Variants in TTC39A observed in about 807,000 individuals in gnomAD.
TTC39A encodes the protein tetratricopeptide repeat domain 39A.
In TTC39A, 46 loss-of-function variants were observed where a neutral mutation model predicts 82.3. That is an observed-to-expected ratio of 0.56 (90% confidence interval 0.44 to 0.71). The LOEUF (loss-of-function observed/expected upper bound fraction) is 0.71, where lower values mean the gene tolerates loss of function less well. Ranked by LOEUF, TTC39A falls within the 30% of genes least tolerant of loss-of-function variation. The pLI is 0.00. For missense variants in TTC39A, 543 were observed against 712.9 expected (o/e 0.76, Z 2.71); for synonymous variants, 254 against 275.2 (o/e 0.92, Z 0.76).
At chr1:51,312,989 A>T in intron 2 of TTC39A, 46 bp from the exon 3 acceptor site, 1 of 1,590,478 alleles carries the variant, frequency 6.3e-7, no homozygotes, top group Non-Finnish European at 8.6e-7. Context: ...ATAGAGCCCC[A>T]GAGGCAGCTG....
chr1:51,291,886 C>T (rs1644239102), intron 14 of TTC39A, among the ~76,000 whole-genome samples: 1 of 151,850 alleles, frequency 6.6e-6, no homozygotes, highest in African/African-American at 2.4e-5. Flanking sequence ...GCCTCGACTG[C>T]CAGGAAGCTC....
upstream of TTC39A, among the ~76,000 whole-genome samples, chr1:51,332,838 A>G (rs1402101480): frequency 6.6e-6 from 1 of 152,250 alleles, no homozygotes; most frequent in Non-Finnish European, 1.5e-5. Flanking sequence ...GATGGCTGAG[A>G]GAGTGACACT....
At chr1:51,323,318 T>G (rs1211965929) in intron 1 of TTC39A, among the ~76,000 whole-genome samples, 1 of 152,096 alleles carries the variant, frequency 6.6e-6, no homozygotes, top group Non-Finnish European at 1.5e-5. Context: ...TCTCATATGT[T>G]GCCCAGGCTG....
At chr1:51,316,287 G>C (rs985819915) in intron 2 of TTC39A, among the ~76,000 whole-genome samples, 1 of 152,144 alleles carries the variant, frequency 6.6e-6, no homozygotes, top group Non-Finnish European at 1.5e-5. Flanking sequence ...TCATCACACA[G>C]AATGGCTCTG....
intron 1 of TTC39A, among the ~76,000 whole-genome samples, chr1:51,342,770 C>G (rs1318382507): frequency 6.6e-6 from 1 of 152,222 alleles, no homozygotes; most frequent in Non-Finnish European, 1.5e-5. Context: ...TGCAGGCTCA[C>G]AATGCACTTC....
intron 1 of TTC39A, among the ~76,000 whole-genome samples, chr1:51,343,986 T>TG (rs1274529704): frequency 1.3e-5 from 2 of 151,912 alleles, no homozygotes; most frequent in Non-Finnish European, 2.9e-5. Flanking sequence ...CAGGAGGAGC[T>TG]GGGGAAGGGG....
At chr1:51,344,712 A>T (rs1394192115) in intron 1 of TTC39A, among the ~76,000 whole-genome samples, 1 of 152,196 alleles carries the variant, frequency 6.6e-6, no homozygotes, top group Non-Finnish European at 1.5e-5. Context: ...CTTCTCACCG[A>T]GCTGACTTCG....
intron 8 of TTC39A, 129 bp from the exon 9 acceptor site, chr1:51,303,321 C>T: frequency 1.4e-6 from 1 of 732,694 alleles, no homozygotes; most frequent in Non-Finnish European, 2.2e-6. Flanking sequence ...GCCAGGTCAG[C>T]TGTGTGGCCC....
At chr1:51,340,573 C>T (rs896247508) in intron 1 of TTC39A, among the ~76,000 whole-genome samples, 2 of 152,182 alleles carry the variant, frequency 1.3e-5, no homozygotes, top group Non-Finnish European at 2.9e-5. Flanking sequence ...AGTGAGGAGC[C>T]TCTTCTTACT....
Position 51,287,878 on chromosome 1 carries a change from TTCA to T in TTC39A, c.*276_*278del. On this transcript the variant is annotated 3_prime_UTR_variant, in exon 18 of 18. Transcript: ENST00000680483. ...GTATTTCTAAGGAAAATGTAAACTG[TTCA>T]TACATTCTCTTAAACATCACAGTGA... is the stretch of plus-strand genomic sequence containing the variant. The T allele has an allele frequency of 2.6e-6, 1 of 389,340 alleles. No homozygotes were observed. Among genetic ancestry groups the T allele is most frequent in the Non-Finnish European group, 4.7e-6 (1 of 210,818 alleles). 24.1% of individuals were successfully genotyped at this position (389,340 alleles called of 1,614,324 possible).
chr1:51,298,055 CCCCTTACAA>C (rs1048617827), intron 12 of TTC39A: 1 of 152,640 alleles, frequency 6.6e-6, no homozygotes, highest in African/African-American at 2.4e-5. Context: ...CCCCCGACCT[CCCCTTACAA>C]AGCCCCTCCC....
In TTC39A at chr1:51,303,161, G is replaced by A. The variant is rs1406960153; in HGVS notation, c.686C>T (p.Ala229Val). 2.7e-5 allele frequency: 42 copies of A among 1,562,522 alleles called. No homozygotes were observed. Among genetic ancestry groups the A allele is most frequent in the Non-Finnish European group, 3.5e-5 (40 of 1,154,628 alleles). The change falls in exon 9 of 18, where the codon GCG becomes GTG. Residue 229 changes from alanine (A) to valine (V), a missense_variant. Physicochemically the swap from Ala to Val is moderately conservative, Grantham distance 64. Transcript: ENST00000680483. ...CACAGAGCGGAAGCTGTGCCCTGACGCTCCCTCCTCCAGCTGCAGCAGCCC... is the reference window on the plus strand; with the variant it reads ...CACAGAGCGGAAGCTGTGCCCTGACACTCCCTCCTCCAGCTGCAGCAGCCC... ...DYGLLQLEEG[A>V]SGHSFRSVLC...
At chr1:51,330,652 CG>C, upstream of TTC39A, 1 of 982,324 alleles carries the variant, frequency 1.0e-6, no homozygotes, top group South Asian at 4.7e-5. The surrounding 1 kb of genome is among the most constrained non-coding windows in gnomAD (Gnocchi z 4.5). Context: ...CCACCCGCAC[CG>C]TAGGGCCATG....
At chr1:51,338,418 A>G (rs1417341624) in intron 1 of TTC39A, among the ~76,000 whole-genome samples, 1 of 152,034 alleles carries the variant, frequency 6.6e-6, no homozygotes, top group Non-Finnish European at 1.5e-5. Context: ...AGTCAAAGGC[A>G]GGTATCTTGC....
Position 51,302,519 on chromosome 1 carries a change from T to C in TTC39A, c.818A>G (p.Asn273Ser). Residue 273 changes from asparagine (N) to serine (S), a missense_variant, in exon 10 of 18, where the codon AAC (asparagine) becomes AGC (serine). Physicochemically the swap from Asn to Ser is conservative, Grantham distance 46. Coordinates refer to ENST00000680483, the MANE Select transcript of TTC39A (RefSeq NM_001297663.2). ...EAEKLLKPYL[N>S]RYPKGAIFLF... ...CATGGGGCTCACCTTAGGGTACCGG[T>C]TCAGGTAGGGCTTCAAGAGCTTCTC... 1.2e-6 allele frequency: 2 copies of C among 1,609,550 alleles called. No homozygotes were observed. The highest frequency in any genetic ancestry group is 1.7e-6 in the Non-Finnish European group (2 of 1,178,022).
At position 51,295,936 on chromosome 1, in the gene TTC39A, G is replaced by A. The variant is rs956476329; in HGVS notation, c.1145+143C>T. The A allele has an allele frequency of 5.0e-6, 4 of 803,268 alleles. No homozygotes were observed. In the South Asian group the frequency reaches 6.3e-5, roughly 13 times the overall value. 49.8% of individuals were successfully genotyped at this position (803,268 alleles called of 1,614,324 possible). ...TGATGGGAGGGGAGGACACGCAGGG[G>A]GGGCAGTCCGCGGGTGGGGGCAGGG... On this transcript the variant is annotated intron_variant, in intron 13 of 17. Coordinates refer to ENST00000680483, the MANE Select transcript of TTC39A (RefSeq NM_001297663.2).
intron 1 of TTC39A, chr1:51,322,047 A>G (rs912143147): frequency 2.0e-6 from 3 of 1,520,048 alleles, no homozygotes; most frequent in Admixed American, 2.1e-5. Context: ...GAATGTCATC[A>G]GAGATCTGTT....
intron 6 of TTC39A, among the ~76,000 whole-genome samples, chr1:51,307,915 C>A (rs942216359): frequency 6.6e-6 from 1 of 152,014 alleles, no homozygotes; most frequent in Non-Finnish European, 1.5e-5. Flanking sequence ...GCCATGAATT[C>A]TTTTCCTCCT....
In TTC39A at chr1:51,309,135, C is replaced by T. The variant is rs1487734020; in HGVS notation, c.488+126G>A. 9 of 1,140,138 alleles carry T rather than the reference C, an allele frequency of 7.9e-6. No homozygotes were observed. The African/African-American group carries it at 8.0e-5, about 10-fold the overall frequency. 70.6% of individuals were successfully genotyped at this position (1,140,138 alleles called of 1,614,324 possible). A position where few individuals can be genotyped will look rare whatever the true frequency, so the allele number is the denominator to read the frequency against. On this transcript the variant is annotated intron_variant, in intron 6 of 17. Coordinates refer to ENST00000680483, the MANE Select transcript of TTC39A (RefSeq NM_001297663.2). ...TGAGGGCATGGAAATCAGCCTGCAACAGCAGTCTACTAGGTTCTGGCCTCG... is the reference window on the plus strand; with the variant it reads ...TGAGGGCATGGAAATCAGCCTGCAATAGCAGTCTACTAGGTTCTGGCCTCG...
Sources: allele counts gnomAD v4.1 joint callset (sites outside exome capture counted in the v4.1 genomes callset), GRCh38; gene constraint gnomAD v4.1.1; non-coding constraint Gnocchi (gnomAD v3.1); transcripts MANE v1.5; gene names NCBI Gene and HGNC (gene_info 2026-07-23, HGNC 2026-07-21).